The following DLGAP1 variants were observed in gnomAD, a reference collection of about 807,000 sequenced individuals.
DLGAP1 encodes disks large-associated protein 1.
A neutral mutation model predicts 90.8 loss-of-function variants in DLGAP1; 11 were observed. That is an observed-to-expected ratio of 0.12 (90% CI 0.08 to 0.20). The LOEUF is 0.20. Among genes scored for constraint, DLGAP1 ranks in the 10% least tolerant of loss-of-function variants. The probability of loss-of-function intolerance (pLI) is 1.00; values close to 1 mark genes in which losing one functional copy is unlikely to be tolerated. For missense variants in DLGAP1, 1,050 were observed against 1,333.8 expected, an observed-to-expected ratio of 0.79 and a Z score of 3.31; for synonymous variants, 558 against 540.7, an observed-to-expected ratio of 1.03 and a Z score of -0.44.
chr18:4,309,402 G>A (rs1366217370), intron 1 of DLGAP1, among the ~76,000 whole-genome samples: 1 of 152,148 alleles, frequency 6.6e-6, no homozygotes. Context: ...GCAAGAGAGT[G>A]CAAGAGAATT....
At position 4,088,429 on chromosome 18, in the gene DLGAP1, T is replaced by TTG. The variant is rs35217865; in HGVS notation, c.-159+62749_-159+62750dup. On this transcript the variant is annotated intron_variant, in intron 2 of 12. Coordinates refer to ENST00000315677, the MANE Select transcript of DLGAP1 (RefSeq NM_004746.4). ...TTATTTACCCTCACATAATTTTCCT[T>TTG]TGTGTGTGTGTGTGTGTGTGTGTGT... Among the ~76,000 whole-genome samples the TTG allele has an allele frequency of 2.8e-3, 414 of 148,446 alleles. 2 individuals are homozygous for TTG. Among genetic ancestry groups the TTG allele is most frequent in the East Asian group, 6.6e-3 (34 of 5,134 alleles).
intron 4 of DLGAP1, chr18:3,845,379 A>G: frequency 6.9e-7 from 1 of 1,441,384 alleles, no homozygotes; most frequent in Non-Finnish European, 9.3e-7. Context: ...GGCAGTAAAC[A>G]CAGGACTTGG....
At chr18:3,548,262 T>TA (rs2053174030) in intron 9 of DLGAP1, among the ~76,000 whole-genome samples, 1 of 129,670 alleles carries the variant, frequency 7.7e-6, no homozygotes, top group African/African-American at 3.7e-5. Flanking sequence ...TATATGTATC[T>TA]TAGTATAATT....
In DLGAP1 at chr18:3,754,555, T is replaced by C. The variant is rs555740797; in HGVS notation, c.1173-12043A>G. 4.6e-5 allele frequency among the ~76,000 whole-genome samples: 7 copies of C among 151,666 alleles called. No homozygotes were observed. In the South Asian group the frequency reaches 1.2e-3, roughly 27 times the overall value. On this transcript the variant is annotated intron_variant, in intron 5 of 12. Transcript: ENST00000315677. Reference sequence around the variant, plus strand: ...AATATATGTAGACAGTAGTTTATTTTATAACTTACTACCATAAAATATGTA... The same window carrying C: ...AATATATGTAGACAGTAGTTTATTTCATAACTTACTACCATAAAATATGTA...
At chr18:3,935,395 T>C (rs1408011624) in intron 3 of DLGAP1, among the ~76,000 whole-genome samples, 2 of 151,978 alleles carry the variant, frequency 1.3e-5, no homozygotes, top group Non-Finnish European at 2.9e-5. Flanking sequence ...ACCAGAAAAA[T>C]GAAAGGTTAG....
At chr18:4,370,679 A>C (rs2081895861) in intron 1 of DLGAP1, among the ~76,000 whole-genome samples, 1 of 152,140 alleles carries the variant, frequency 6.6e-6, no homozygotes, top group Non-Finnish European at 1.5e-5. Flanking sequence ...GAGAGGAAGA[A>C]GCGCCCCTAA....
At chr18:3,892,907 T>A (rs1055703323) in intron 3 of DLGAP1, among the ~76,000 whole-genome samples, 7 of 147,836 alleles carry the variant, frequency 4.7e-5, no homozygotes, top group Admixed American at 4.1e-4. Context: ...TATATAAATA[T>A]ATATATTTAT....
At chr18:3,955,240 A>C (rs2073061574) in intron 3 of DLGAP1, among the ~76,000 whole-genome samples, 1 of 152,196 alleles carries the variant, frequency 6.6e-6, no homozygotes, top group Non-Finnish European at 1.5e-5. Context: ...TACTAGCCTT[A>C]TATTGGGCAT....
intron 1 of DLGAP1, among the ~76,000 whole-genome samples, chr18:4,444,900 T>A (rs949646374): frequency 1.1e-4 from 16 of 152,326 alleles, no homozygotes; most frequent in African/African-American, 3.6e-4. Flanking sequence ...ATGAGAAAAC[T>A]GGACTCAGTA....
intron 2 of DLGAP1, among the ~76,000 whole-genome samples, chr18:4,034,470 C>T (rs78508818): frequency 0.015 from 2,346 of 152,244 alleles, 72 homozygotes; most frequent in East Asian, 0.061. Flanking sequence ...ATTAACTAGT[C>T]CTGTTGCCTT....
At position 3,727,470 on chromosome 18, in the gene DLGAP1, C is replaced by T. The variant is rs772224407; in HGVS notation, c.1591+1665G>A. ...CTTCCCGACTGTTCTCCTGAGAGCA[C>T]CCCTTGTGACTTCTGGGCCAGGATC... is the stretch of plus-strand genomic sequence containing the variant. On this transcript the variant is annotated intron_variant, in intron 7 of 12. Coordinates refer to ENST00000315677, the MANE Select transcript of DLGAP1 (RefSeq NM_004746.4). This position sits in a 1 kb window ranked among gnomAD's most constrained non-coding sequence, Gnocchi z 4.7. Among the ~76,000 whole-genome samples, 2 of 152,144 alleles carry T rather than the reference C, an allele frequency of 1.3e-5. No homozygotes were observed. The highest frequency in any genetic ancestry group is 2.9e-5 in the Non-Finnish European group (2 of 68,022).
chr18:3,581,804 G>C (rs1482063126), intron 8 of DLGAP1, 71 bp downstream of exon 8: 1 of 1,563,266 alleles, frequency 6.4e-7, no homozygotes, highest in Non-Finnish European at 8.7e-7. Context: ...CAAATCTTCC[G>C]GGGAAACAAA....
intron 10 of DLGAP1, among the ~76,000 whole-genome samples, chr18:3,511,423 G>A (rs149891765): frequency 1.3e-5 from 2 of 152,028 alleles, no homozygotes; most frequent in African/African-American, 2.4e-5. Flanking sequence ...ACAATAAATG[G>A]TAAACACCAG....
At chr18:4,289,695 T>C (rs2079798083) in intron 1 of DLGAP1, among the ~76,000 whole-genome samples, 1 of 152,088 alleles carries the variant, frequency 6.6e-6, no homozygotes, top group African/African-American at 2.4e-5. Context: ...GAAAGCAAAA[T>C]GAGGAAATGA....
At chr18:4,407,257 CTT>C (rs1207695205) in intron 1 of DLGAP1, among the ~76,000 whole-genome samples, 2 of 152,182 alleles carry the variant, frequency 1.3e-5, no homozygotes, top group African/African-American at 4.8e-5. Flanking sequence ...GATGGGAAGA[CTT>C]TTAATTCTAG....
intron 8 of DLGAP1, among the ~76,000 whole-genome samples, chr18:3,572,413 A>G (rs2054859994): frequency 6.7e-6 from 1 of 148,774 alleles, no homozygotes; most frequent in African/African-American, 2.5e-5. Flanking sequence ...GCAGAAGTTT[A>G]GATTGGTTTC....
At chr18:3,772,982 A>C (rs148917533) in intron 5 of DLGAP1, among the ~76,000 whole-genome samples, 79 of 152,186 alleles carry the variant, frequency 5.2e-4, no homozygotes, top group African/African-American at 1.8e-3. Flanking sequence ...TCCATAATTA[A>C]CTTGGCAGAG....
chr18:3,633,479 C>G (rs1361099114), intron 7 of DLGAP1, among the ~76,000 whole-genome samples: 8 of 151,248 alleles, frequency 5.3e-5, no homozygotes, highest in African/African-American at 1.7e-4. Flanking sequence ...ATGCTTCCCT[C>G]AGGGGAATTT....
intron 1 of DLGAP1, among the ~76,000 whole-genome samples, chr18:4,269,597 A>G (rs941038319): frequency 2.8e-4 from 43 of 151,808 alleles, no homozygotes; most frequent in East Asian, 1.4e-3. Context: ...CTTGTGATCC[A>G]CCCGCCTTGG....
Sources: gnomAD v4.1 joint callset for allele counts (sites outside exome capture counted in the v4.1 genomes callset) on GRCh38, gnomAD v4.1.1 for gene constraint, Gnocchi (gnomAD v3.1) non-coding constraint, MANE v1.5 for transcripts, NCBI Gene and HGNC (gene_info 2026-07-23, HGNC 2026-07-21) for gene names.